Variants in TMEM63B observed in about 807,000 individuals in gnomAD.
TMEM63B encodes mechanosensitive cation channel TMEM63B.
TMEM63B carries 23 observed loss-of-function variants against 102.6 expected under a neutral mutation model. The ratio of observed to expected loss-of-function variants is 0.22; its 90% confidence interval spans 0.16 to 0.32. The LOEUF (loss-of-function observed/expected upper bound fraction) is 0.32. TMEM63B is among the 10% of genes least tolerant of loss of function. The pLI is 1.00. For missense variants in TMEM63B, 628 were observed against 1,095.9 expected (o/e 0.57, Z 6.03); for synonymous variants, 444 against 437.0 (o/e 1.02, Z -0.20).
chr6:44,139,061 A>C, intron 6 of TMEM63B: 1 of 258,678 alleles, frequency 3.9e-6, no homozygotes, highest in Admixed American at 4.9e-5. Flanking sequence ...TGCCTCTTTC[A>C]CCACTCCTCC....
chr6:44,132,637 C>T lies in TMEM63B; in HGVS notation c.-24-1924C>T, dbSNP rs146709840. Among the ~76,000 whole-genome samples, 289 of 152,268 alleles carry T rather than the reference C, an allele frequency of 1.9e-3. 1 individual carries two copies. The highest frequency in any genetic ancestry group is 6.5e-3 in the African/African-American group (268 of 41,540). On this transcript the variant is annotated intron_variant, in intron 1 of 23. Coordinates refer to ENST00000323267, the MANE Select transcript of TMEM63B (RefSeq NM_018426.3). ...TCTGTGCATCTTATGTTTACATACC[C>T]GGGCTCCCAGACACACCCATGTTCA...
intron 5 of TMEM63B, among the ~76,000 whole-genome samples, chr6:44,136,808 AG>A (rs1562118883): frequency 2.0e-5 from 3 of 152,260 alleles, no homozygotes; most frequent in Non-Finnish European, 4.4e-5. Flanking sequence ...GCACTTTGGG[AG>A]GCCGAGGCGG....
At chr6:44,131,900 G>A (rs1778358917) in intron 1 of TMEM63B, among the ~76,000 whole-genome samples, 1 of 152,160 alleles carries the variant, frequency 6.6e-6, no homozygotes, top group South Asian at 2.1e-4. Flanking sequence ...GGATATAGCT[G>A]GTGCAGGCAC....
chr6:44,135,973 C>T (rs1285352719), intron 4 of TMEM63B, among the ~76,000 whole-genome samples: 1 of 152,162 alleles, frequency 6.6e-6, no homozygotes, highest in Non-Finnish European at 1.5e-5. Flanking sequence ...TCCTTTCCTC[C>T]ACCTCCTCAT....
chr6:44,140,133 G>A (rs1348674586), intron 8 of TMEM63B, 119 bp from the exon 9 acceptor site: 1 of 774,298 alleles, frequency 1.3e-6, no homozygotes, highest in South Asian at 1.7e-5. Context: ...AGTGCCAGAA[G>A]GCTGGTGGCA....
intron 18 of TMEM63B, 89 bp from the exon 19 acceptor site, chr6:44,151,757 G>A (rs921711034): frequency 2.1e-6 from 3 of 1,421,336 alleles, no homozygotes; most frequent in African/African-American, 2.9e-5. Context: ...TGTTGGTGGT[G>A]GAGGTGTTGG....
Position 44,154,388 on chromosome 6 carries a change from T to A in TMEM63B, c.2250T>A (p.Thr750=). Residue 750 remains threonine, a synonymous_variant, in exon 23 of 24, where the codon ACT becomes ACA. Transcript: ENST00000323267. The part of the protein sequence containing the change: ...NYKIEHTETD[T]VDPRSNGRPP... ...AGATTGAGCACACGGAGACAGATAC[T>A]GTGGACCCCAGAAGCAATGGACGGC... 5 of 1,614,016 alleles carry A rather than the reference T, an allele frequency of 3.1e-6. No individual in the cohort carries two copies. Among genetic ancestry groups the A allele is most frequent in the Non-Finnish European group, 4.2e-6 (5 of 1,179,948 alleles).
intron 5 of TMEM63B, among the ~76,000 whole-genome samples, chr6:44,137,418 G>A (rs1048581731): frequency 2.6e-5 from 4 of 152,280 alleles, no homozygotes; most frequent in African/African-American, 9.6e-5. Context: ...AGCAGAAGAT[G>A]GCCTTCAGCT....
intron 1 of TMEM63B, among the ~76,000 whole-genome samples, chr6:44,128,657 T>G (rs1239158102): frequency 6.6e-6 from 1 of 152,202 alleles, no homozygotes; most frequent in Non-Finnish European, 1.5e-5. Context: ...GGGCTGGGGC[T>G]TGCCTACCCA....
rs137907307 is a variant in TMEM63B, at chr6:44,152,180, C to A, written c.1836+172C>A. On this transcript the variant is annotated intron_variant, in intron 19 of 23. Transcript: ENST00000323267. The surrounding 1 kb of genome is among the most constrained non-coding windows in gnomAD (Gnocchi z 6.4). ...TTCCCATATCTGGGGCCTTCGTATTCTGCCATGGGTGGACATAGGTAACCC... is the reference window on the plus strand; with the variant it reads ...TTCCCATATCTGGGGCCTTCGTATTATGCCATGGGTGGACATAGGTAACCC... Among the ~76,000 whole-genome samples the A allele has an allele frequency of 3.3e-3, 496 of 152,304 alleles. 3 individuals are homozygous for A. Among genetic ancestry groups the A allele is most frequent in the African/African-American group, 0.011 (470 of 41,548 alleles).
Position 44,152,786 on chromosome 6 carries a change from G to A in TMEM63B, c.1942+88G>A. The A allele has an allele frequency of 8.7e-7, 1 of 1,151,950 alleles. No homozygotes were observed. The highest frequency in any genetic ancestry group is 1.3e-6 in the Non-Finnish European group (1 of 790,482). The allele number at this position is 1,151,950 out of a possible 1,614,324, so 71.4% of individuals were successfully genotyped here. ...ACTCTAGGAATGCAGGCCACCCCGA[G>A]TGGACAGGGCCCGGCTGGGAGACCG... On this transcript the variant is annotated intron_variant, in intron 20 of 23. Transcript: ENST00000323267. This position sits in a 1 kb window ranked among gnomAD's most constrained non-coding sequence, Gnocchi z 6.4.
chr6:44,144,251 G>A (rs1438977931), intron 10 of TMEM63B, among the ~76,000 whole-genome samples: 1 of 152,208 alleles, frequency 6.6e-6, no homozygotes, highest in African/African-American at 2.4e-5. Context: ...GTCAGGATTA[G>A]GCAGGGCTTG....
chr6:44,148,672 C>A lies in TMEM63B; in HGVS notation c.1259+22C>A, dbSNP rs758939706. On this transcript the variant is annotated intron_variant, in intron 14 of 23. Transcript: ENST00000323267. This position sits in a 1 kb window ranked among gnomAD's most constrained non-coding sequence, Gnocchi z 5.1. ...ACTGGTGAGCAAACAGGTGTCAGGGCAGGCTTTCCAGGGCCTGGGATGGGC... is the reference window on the plus strand; with the variant it reads ...ACTGGTGAGCAAACAGGTGTCAGGGAAGGCTTTCCAGGGCCTGGGATGGGC... 1.2e-6 allele frequency: 2 copies of A among 1,612,644 alleles called. No homozygotes were observed. The highest frequency in any genetic ancestry group is 1.1e-5 in the South Asian group (1 of 90,984).
At chr6:44,149,418 A>C (rs528918192) in intron 15 of TMEM63B, among the ~76,000 whole-genome samples, 13 of 152,276 alleles carry the variant, frequency 8.5e-5, no homozygotes, top group East Asian at 5.8e-4. Context: ...TTAGAACCTC[A>C]GAGTTTGAAG....
chr6:44,137,628 G>A (rs1331545073), intron 5 of TMEM63B, among the ~76,000 whole-genome samples: 2 of 152,056 alleles, frequency 1.3e-5, no homozygotes, highest in East Asian at 1.9e-4. Context: ...TGCCCTCTGC[G>A]CAGCCCTCCC....
rs1355096360 is a variant in TMEM63B at position 44,127,671 on chromosome 6, G to A, written c.-32G>A. 1 of 148,662 alleles carries A rather than the reference G, an allele frequency of 6.7e-6. No individual in the cohort carries two copies. Among genetic ancestry groups the A allele is most frequent in the East Asian group, 2.1e-4 (1 of 4,852 alleles). 9.2% of individuals were successfully genotyped at this position (148,662 alleles called of 1,614,324 possible). ...GGCTCCGAGCCGGAGCCGAGTCTGC[G>A]CCTGGGGGTGAGTACGCGACCCCTA... is the stretch of plus-strand genomic sequence containing the variant. On this transcript the variant is annotated 5_prime_UTR_variant, in exon 1 of 24. Transcript: ENST00000323267.
rs377558495 is a variant in TMEM63B, at chr6:44,148,693, T to C, written c.1259+43T>C. 16 of 1,611,864 alleles carry C rather than the reference T, an allele frequency of 9.9e-6. No homozygotes were observed. The highest frequency in any genetic ancestry group is 1.4e-5 in the Non-Finnish European group (16 of 1,178,420). On this transcript the variant is annotated intron_variant, in intron 14 of 23. Coordinates refer to ENST00000323267, the MANE Select transcript of TMEM63B (RefSeq NM_018426.3). The surrounding 1 kb of genome is among the most constrained non-coding windows in gnomAD (Gnocchi z 5.1). ...AGGGCAGGCTTTCCAGGGCCTGGGA[T>C]GGGCTCAGTAGGTAGGCGGAGGAGA...
At chr6:44,131,241 T>C (rs1227041834) in intron 1 of TMEM63B, among the ~76,000 whole-genome samples, 1 of 152,090 alleles carries the variant, frequency 6.6e-6, no homozygotes, top group African/African-American at 2.4e-5. Flanking sequence ...TTATGCTCAC[T>C]TGTGGATATA....
chr6:44,143,708 T>C (rs1764772251), intron 10 of TMEM63B, among the ~76,000 whole-genome samples: 1 of 151,814 alleles, frequency 6.6e-6, no homozygotes. Context: ...TGGGGAGGGG[T>C]GGACAGGGAC....
Sources: allele counts gnomAD v4.1 joint callset (sites outside exome capture counted in the v4.1 genomes callset), GRCh38; gene constraint gnomAD v4.1.1; non-coding constraint Gnocchi (gnomAD v3.1); transcripts MANE v1.5; gene names NCBI Gene and HGNC (gene_info 2026-07-23, HGNC 2026-07-21).